CCDC7: variants seen among roughly 807,000 people sequenced by gnomAD.
The protein encoded by CCDC7 is coiled-coil domain containing 7.
A neutral mutation model predicts 196.9 loss-of-function variants in CCDC7; 183 were observed. That is an observed-to-expected ratio of 0.93 (90% confidence interval 0.82 to 1.05). The LOEUF (loss-of-function observed/expected upper bound fraction) is 1.05, where lower values mean the gene tolerates loss of function less well. Ranked by LOEUF, CCDC7 falls within the 50% of genes least tolerant of loss-of-function variation. CCDC7 has a pLI of 0.00. For missense variants in CCDC7, 1,540 were observed against 1,482.2 expected (o/e 1.04, Z -0.64); for synonymous variants, 525 against 484.6 (o/e 1.08, Z -1.10).
At chr10:32,869,970 C>T (rs867901811) in intron 41 of CCDC7, among the ~76,000 whole-genome samples, 1 of 152,026 alleles carries the variant, frequency 6.6e-6, no homozygotes, top group African/African-American at 2.4e-5. Flanking sequence ...TGTTTTGGTA[C>T]CAGTACCATG....
At chr10:32,535,100 G>A (rs567332189) in intron 11 of CCDC7, among the ~76,000 whole-genome samples, 8 of 151,138 alleles carry the variant, frequency 5.3e-5, no homozygotes, top group African/African-American at 7.3e-5. Context: ...CCATCTGCCC[G>A]GAGTTTTTTC....
chr10:32,525,114 G>A (rs781201117), intron 11 of CCDC7, among the ~76,000 whole-genome samples: 11 of 151,730 alleles, frequency 7.2e-5, no homozygotes, highest in Non-Finnish European at 8.8e-5. Context: ...GGGGATGGGG[G>A]AGGGATAGCA....
At chr10:32,464,296 C>T (rs2036303047) in intron 5 of CCDC7, among the ~76,000 whole-genome samples, 1 of 152,200 alleles carries the variant, frequency 6.6e-6, no homozygotes, top group East Asian at 1.9e-4. Flanking sequence ...GCTCTGGCCA[C>T]CAAACACTTG....
At chr10:32,786,787 C>G (rs1168512651) in intron 29 of CCDC7, among the ~76,000 whole-genome samples, 1 of 151,626 alleles carries the variant, frequency 6.6e-6, no homozygotes, top group Non-Finnish European at 1.5e-5. Context: ...AAGAAACCAC[C>G]TACTATATTA....
chr10:32,788,039 T>C (rs1165169161), intron 29 of CCDC7, among the ~76,000 whole-genome samples: 1 of 152,142 alleles, frequency 6.6e-6, no homozygotes, highest in Non-Finnish European at 1.5e-5. Context: ...AGGCTGGAAT[T>C]TGCAGCCCTA....
chr10:32,826,827 C>T (rs112572684), intron 32 of CCDC7, among the ~76,000 whole-genome samples: 27 of 152,190 alleles, frequency 1.8e-4, no homozygotes, highest in African/African-American at 6.3e-4. Context: ...GACAGAACTT[C>T]GAGTGGTGCA....
chr10:32,646,173 C>G (rs895366990), intron 20 of CCDC7, among the ~76,000 whole-genome samples: 10 of 145,612 alleles, frequency 6.9e-5, no homozygotes, highest in Non-Finnish European at 1.5e-5. Flanking sequence ...TTGCTATAAA[C>G]TTTATTTTAG....
exon 9 of CCDC7, chr10:32,491,991 T>C: frequency 6.4e-7 from 1 of 1,565,696 alleles, no homozygotes; most frequent in Middle Eastern, 1.8e-4. Flanking sequence ...GCAAATATGT[T>C]GGAGAGGTAA....
chr10:32,777,241 G>A (rs963786577), intron 28 of CCDC7, among the ~76,000 whole-genome samples: 12 of 152,086 alleles, frequency 7.9e-5, no homozygotes, highest in Non-Finnish European at 1.0e-4. Context: ...TTATTATTCC[G>A]TGGTATATAT....
chr10:32,819,618 A>G (rs2089712819), intron 31 of CCDC7, among the ~76,000 whole-genome samples: 1 of 152,238 alleles, frequency 6.6e-6, no homozygotes, highest in South Asian at 2.1e-4. Context: ...CTTATCCACC[A>G]TGATCAAATG....
intron 41 of CCDC7, among the ~76,000 whole-genome samples, chr10:32,868,141 C>T (rs548569249): frequency 1.6e-4 from 24 of 151,890 alleles, no homozygotes; most frequent in Non-Finnish European, 4.4e-5. Context: ...TATGTATATA[C>T]CACATTTTGC....
intron 11 of CCDC7, among the ~76,000 whole-genome samples, chr10:32,529,322 C>T (rs551874516): frequency 2.4e-4 from 37 of 152,220 alleles, no homozygotes; most frequent in Non-Finnish European, 5.0e-4. Flanking sequence ...GCCCAGCCTA[C>T]TTGTAATTTT....
intron 28 of CCDC7, among the ~76,000 whole-genome samples, chr10:32,736,015 CTATT>C (rs1565338351): frequency 1.3e-5 from 2 of 152,262 alleles, no homozygotes; most frequent in African/African-American, 4.8e-5. Flanking sequence ...TCCAATTGCT[CTATT>C]TGTCTATTGT....
At chr10:32,620,793 T>G (rs1194988122) in intron 18 of CCDC7, among the ~76,000 whole-genome samples, 1 of 152,186 alleles carries the variant, frequency 6.6e-6, no homozygotes, top group Non-Finnish European at 1.5e-5. Flanking sequence ...TATCACCATA[T>G]GATATAGCTG....
At chr10:32,554,208 G>C (rs559935980) in intron 13 of CCDC7, among the ~76,000 whole-genome samples, 1 of 152,222 alleles carries the variant, frequency 6.6e-6, no homozygotes. Flanking sequence ...GACGGTGGGC[G>C]AGTTGGGCTT....
chr10:32,618,891 A>G (rs1590678007), intron 18 of CCDC7, among the ~76,000 whole-genome samples: 1 of 152,212 alleles, frequency 6.6e-6, no homozygotes, highest in Admixed American at 6.5e-5. Flanking sequence ...CATAAGTTCT[A>G]TAGCTTTATG....
intron 10 of CCDC7, among the ~76,000 whole-genome samples, chr10:32,518,202 T>C (rs770492528): frequency 1.3e-5 from 2 of 151,926 alleles, no homozygotes; most frequent in African/African-American, 2.4e-5. Context: ...AACTATAATA[T>C]CCTACAGTCA....
intron 13 of CCDC7, among the ~76,000 whole-genome samples, chr10:32,547,117 A>C (rs753120740): frequency 2.0e-5 from 3 of 152,020 alleles, no homozygotes; most frequent in Non-Finnish European, 4.4e-5. Flanking sequence ...TCCTGGGCTC[A>C]AGCCATCCTC....
chr10:32,728,396 T>C (rs1027812986), intron 26 of CCDC7, among the ~76,000 whole-genome samples: 5 of 152,160 alleles, frequency 3.3e-5, no homozygotes, highest in African/African-American at 1.2e-4. Flanking sequence ...TCTCAGATTC[T>C]CTGGCAACTC....
Sources: allele counts gnomAD v4.1 joint callset (sites outside exome capture counted in the v4.1 genomes callset), GRCh38; gene constraint gnomAD v4.1.1; transcripts MANE v1.5; gene names NCBI Gene and HGNC (gene_info 2026-07-23, HGNC 2026-07-21).